The following SGCZ variants were observed in gnomAD, a reference collection of about 807,000 sequenced individuals.
SGCZ encodes the protein sarcoglycan zeta.
In SGCZ, 40 loss-of-function variants were observed where a neutral mutation model predicts 41.3. The ratio of observed to expected loss-of-function variants is 0.97; its 90% CI spans 0.75 to 1.26. The LOEUF is 1.26. Ranked by LOEUF, SGCZ falls within the 50% of genes most tolerant of loss-of-function variation. SGCZ has a pLI of 0.00. For synonymous variants in SGCZ, 206 were observed against 137.5 expected (o/e 1.50, Z -3.49); for missense variants, 552 against 369.8 (o/e 1.49, Z -4.04).
chr8:14,197,565 ATTATC>A (rs1453535091), intron 4 of SGCZ, among the ~76,000 whole-genome samples: 1 of 152,076 alleles, frequency 6.6e-6, no homozygotes, highest in Non-Finnish European at 1.5e-5. Context: ...AAAACAAATA[ATTATC>A]TTAGTACCTA....
At chr8:14,661,947 C>A (rs562342396) in intron 1 of SGCZ, among the ~76,000 whole-genome samples, 1 of 152,096 alleles carries the variant, frequency 6.6e-6, no homozygotes, top group Non-Finnish European at 1.5e-5. Context: ...AATACACAAG[C>A]ATTTTCAAAT....
chr8:15,102,519 CTT>C (rs1294659972), intron 1 of SGCZ, among the ~76,000 whole-genome samples: 1 of 152,206 alleles, frequency 6.6e-6, no homozygotes, highest in East Asian at 1.9e-4. Context: ...AAACTATAGA[CTT>C]TTGTTTGTAA....
At chr8:14,128,531 C>T (rs1217111991) in intron 5 of SGCZ, among the ~76,000 whole-genome samples, 1 of 152,156 alleles carries the variant, frequency 6.6e-6, no homozygotes, top group Non-Finnish European at 1.5e-5. Flanking sequence ...ATTCTTCAGT[C>T]CAGCAATTCC....
chr8:14,999,424 G>A (rs958457529), intron 1 of SGCZ, among the ~76,000 whole-genome samples: 1 of 152,158 alleles, frequency 6.6e-6, no homozygotes, highest in African/African-American at 2.4e-5. Flanking sequence ...GGGTTAGCCA[G>A]GCAAAGGAGG....
chr8:14,577,456 T>C (rs1804746824), intron 1 of SGCZ, among the ~76,000 whole-genome samples: 1 of 147,140 alleles, frequency 6.8e-6, no homozygotes. Context: ...TGGCGCAATC[T>C]CGGTTCACTG....
intron 1 of SGCZ, among the ~76,000 whole-genome samples, chr8:14,648,708 C>G (rs188788211): frequency 1.3e-5 from 2 of 152,004 alleles, no homozygotes; most frequent in African/African-American, 4.8e-5. Context: ...GTGCAAGAGA[C>G]TCATATTATA....
intron 1 of SGCZ, among the ~76,000 whole-genome samples, chr8:15,038,319 G>A (rs757911239): frequency 2.0e-5 from 3 of 152,016 alleles, no homozygotes; most frequent in African/African-American, 7.2e-5. Context: ...ACGGTCAATT[G>A]ATTTTTGACA....
chr8:14,297,067 G>T (rs1197600000), intron 3 of SGCZ, among the ~76,000 whole-genome samples: 1 of 151,838 alleles, frequency 6.6e-6, no homozygotes. Flanking sequence ...GAGTACAGAC[G>T]CACACCAGCA....
At position 14,820,869 on chromosome 8, in the gene SGCZ, C is replaced by CAAA. The variant is rs138066252; in HGVS notation, c.40-265946_40-265944dup. Reference sequence around the variant, plus strand: ...GGAGGTTAGCAATAAACCCCTAGATCAAAAAACAAAAAAAGATTTCAAATA... The same window carrying CAAA: ...GGAGGTTAGCAATAAACCCCTAGATCAAAAAAAAACAAAAAAAGATTTCAAATA... On this transcript the variant is annotated intron_variant, in intron 1 of 7. Coordinates refer to ENST00000382080, the MANE Select transcript of SGCZ (RefSeq NM_139167.4). Among the ~76,000 whole-genome samples the CAAA allele has an allele frequency of 8.6e-5, 12 of 140,328 alleles. No individual in the cohort carries two copies. The South Asian group carries it at 1.5e-3, about 18-fold the overall frequency. The allele number at this position is 140,328 out of a possible 152,430, so 92.1% of individuals were successfully genotyped here.
chr8:14,130,906 T>C (rs533156318), intron 5 of SGCZ, among the ~76,000 whole-genome samples: 122 of 152,070 alleles, frequency 8.0e-4, no homozygotes, highest in Non-Finnish European at 1.4e-3. Flanking sequence ...GCATAAAAAA[T>C]ATTAGGGTGG....
At position 14,088,090 on chromosome 8, in the gene SGCZ, C is replaced by G. The variant is rs1412416639; in HGVS notation, c.*2353G>C. Among the ~76,000 whole-genome samples the G allele has an allele frequency of 2.0e-5, 3 of 150,996 alleles. No individual in the cohort carries two copies. Among genetic ancestry groups the G allele is most frequent in the Non-Finnish European group, 4.4e-5 (3 of 67,600 alleles). On this transcript the variant is annotated 3_prime_UTR_variant, in exon 8 of 8. Coordinates refer to ENST00000382080, the MANE Select transcript of SGCZ (RefSeq NM_139167.4). Reference sequence around the variant, plus strand: ...TTTCTCACTTTTTTTTTCATCTTTTCTCCTCTTATGACATATAATTTAAAA... The same window carrying G: ...TTTCTCACTTTTTTTTTCATCTTTTGTCCTCTTATGACATATAATTTAAAA...
At chr8:15,079,933 C>A (rs1327576862) in intron 1 of SGCZ, among the ~76,000 whole-genome samples, 1 of 152,128 alleles carries the variant, frequency 6.6e-6, no homozygotes, top group African/African-American at 2.4e-5. Context: ...CATTTTTGGG[C>A]CCAGCAACAT....
chr8:14,227,288 GA>G (rs1349737868), intron 4 of SGCZ, among the ~76,000 whole-genome samples: 2 of 152,032 alleles, frequency 1.3e-5, no homozygotes, highest in African/African-American at 4.8e-5. Flanking sequence ...TATGACATGA[GA>G]AAAGGTGATC....
intron 1 of SGCZ, among the ~76,000 whole-genome samples, chr8:14,597,086 C>T (rs1056095369): frequency 2.0e-5 from 3 of 152,156 alleles, no homozygotes; most frequent in Non-Finnish European, 4.4e-5. Flanking sequence ...CTAGAAGCAA[C>T]TATGAACTGC....
intron 1 of SGCZ, among the ~76,000 whole-genome samples, chr8:15,012,719 G>C (rs10097549): frequency 4.3e-5 from 6 of 140,870 alleles, no homozygotes; most frequent in African/African-American, 1.6e-4. Context: ...ATGTTATAAA[G>C]AGAAATATAT....
intron 1 of SGCZ, among the ~76,000 whole-genome samples, chr8:15,218,426 T>C (rs1309099933): frequency 6.6e-6 from 1 of 152,222 alleles, no homozygotes; most frequent in African/African-American, 2.4e-5. Context: ...AGGTGTAGGC[T>C]GATTGACTTT....
intron 1 of SGCZ, among the ~76,000 whole-genome samples, chr8:15,130,208 C>T (rs576177266): frequency 6.6e-6 from 1 of 152,196 alleles, no homozygotes; most frequent in South Asian, 2.1e-4. Context: ...TGGCGAGCTG[C>T]AAAAACTGAG....
intron 1 of SGCZ, among the ~76,000 whole-genome samples, chr8:15,040,221 T>C (rs1054609937): frequency 6.6e-6 from 1 of 152,204 alleles, no homozygotes; most frequent in Non-Finnish European, 1.5e-5. Context: ...CTTTTTATTA[T>C]GCTATCTTTC....
At chr8:14,577,048 T>C (rs1563127189) in intron 1 of SGCZ, among the ~76,000 whole-genome samples, 1 of 152,238 alleles carries the variant, frequency 6.6e-6, no homozygotes, top group Non-Finnish European at 1.5e-5. Context: ...ATTTCTTGAC[T>C]AAGATCTTTC....
Sources: gnomAD v4.1 joint callset for allele counts (sites outside exome capture counted in the v4.1 genomes callset) on GRCh38, gnomAD v4.1.1 for gene constraint, MANE v1.5 for transcripts, NCBI Gene and HGNC (gene_info 2026-07-23, HGNC 2026-07-21) for gene names.